Variants in CELF2 observed in about 807,000 individuals in gnomAD.
The protein encoded by CELF2 is CUGBP Elav-like family member 2, also known as CUG triplet repeat RNA-binding protein 2.
In CELF2, 8 loss-of-function variants were observed where a neutral mutation model predicts 62.6. That is an observed-to-expected ratio of 0.13 (90% CI 0.07 to 0.23). The LOEUF is 0.23. Among genes scored for constraint, CELF2 ranks in the 10% least tolerant of loss-of-function variants. The probability of loss-of-function intolerance (pLI) is 1.00; values close to 1 mark genes in which losing one functional copy is unlikely to be tolerated. For synonymous variants in CELF2, 258 were observed against 250.0 expected (o/e 1.03, Z -0.30); for missense variants, 333 against 671.0 (o/e 0.50, Z 5.56).
At chr10:11,253,657 AT>A (rs940641640) in intron 4 of CELF2, among the ~76,000 whole-genome samples, 23 of 151,006 alleles carry the variant, frequency 1.5e-4, no homozygotes, top group African/African-American at 3.4e-4. Flanking sequence ...ACAATTAGAG[AT>A]TTTTTTTTTA....
chr10:10,670,111 T>C, the CELF2 span, among the ~76,000 whole-genome samples: 1 of 152,094 alleles, frequency 6.6e-6, no homozygotes, highest in African/African-American at 2.4e-5. Context: ...CATGTTGGTC[T>C]GGCTGGTCTC....
At chr10:10,690,449 T>A in the CELF2 span, among the ~76,000 whole-genome samples, 3 of 152,218 alleles carry the variant, frequency 2.0e-5, no homozygotes, top group Non-Finnish European at 4.4e-5. Context: ...AATAATACAC[T>A]GTATAAAATA....
At chr10:11,018,751 C>T (rs1242581700) in intron 1 of CELF2, 1 of 152,456 alleles carries the variant, frequency 6.6e-6, no homozygotes, top group Non-Finnish European at 1.5e-5. Context: ...AGTGTGCACG[C>T]TTGTGTCATT....
intron 1 of CELF2, among the ~76,000 whole-genome samples, chr10:10,806,203 C>CTTTTTTTTTTTT (rs112165245): frequency 7.1e-6 from 1 of 141,442 alleles, no homozygotes. Flanking sequence ...TTCCAGTGTT[C>CTTTTTTTTTTTT]TTTTTTTTTT....
At chr10:10,827,837 TGAGTG>T (rs1364221232) in intron 1 of CELF2, among the ~76,000 whole-genome samples, 2 of 151,974 alleles carry the variant, frequency 1.3e-5, no homozygotes, top group Non-Finnish European at 2.9e-5. Flanking sequence ...ATGCAAATCT[TGAGTG>T]GAGAAGTGTA....
At chr10:10,638,640 G>A in the CELF2 span, among the ~76,000 whole-genome samples, 2 of 152,292 alleles carry the variant, frequency 1.3e-5, no homozygotes, top group South Asian at 2.1e-4. Context: ...TTAGATGTGG[G>A]TGCTTACTAA....
the CELF2 span, among the ~76,000 whole-genome samples, chr10:10,676,105 A>T: frequency 6.6e-6 from 1 of 152,080 alleles, no homozygotes; most frequent in Non-Finnish European, 1.5e-5. Flanking sequence ...GGGGAAGGAG[A>T]AGCATTCTGT....
intron 1 of CELF2, among the ~76,000 whole-genome samples, chr10:11,047,958 A>G (rs2063163403): frequency 6.6e-6 from 1 of 152,208 alleles, no homozygotes; most frequent in South Asian, 2.1e-4. Context: ...GGAAAAATGA[A>G]CTAAATATCA....
intron 1 of CELF2, among the ~76,000 whole-genome samples, chr10:10,900,864 T>C (rs903419967): frequency 3.3e-5 from 5 of 152,302 alleles, no homozygotes; most frequent in Admixed American, 1.3e-4. Flanking sequence ...AACTAATAAG[T>C]AAGTTTCACA....
intron 1 of CELF2, chr10:11,097,262 A>G (rs537689314): frequency 6.6e-6 from 1 of 152,238 alleles, no homozygotes; most frequent in Non-Finnish European, 1.5e-5. Context: ...TATTTCATTG[A>G]ACCATTAACG....
At chr10:10,800,268 G>A (rs189021502) in intron 1 of CELF2, among the ~76,000 whole-genome samples, 15 of 152,264 alleles carry the variant, frequency 9.9e-5, no homozygotes, top group Non-Finnish European at 2.1e-4. Context: ...GCTGTTTCCA[G>A]CTAACATATC....
intron 4 of CELF2, among the ~76,000 whole-genome samples, chr10:11,251,118 T>A (rs1344712306): frequency 6.6e-6 from 1 of 152,054 alleles, no homozygotes; most frequent in Non-Finnish European, 1.5e-5. Flanking sequence ...TAAACTGTAT[T>A]TAGAGTATTC....
At chr10:11,208,915 C>A (rs898056578) in intron 2 of CELF2, among the ~76,000 whole-genome samples, 1 of 152,130 alleles carries the variant, frequency 6.6e-6, no homozygotes. Context: ...TTTGTGATTC[C>A]ACAGGAAAGG....
At chr10:10,813,013 G>A (rs1176355994) in intron 1 of CELF2, among the ~76,000 whole-genome samples, 2 of 152,188 alleles carry the variant, frequency 1.3e-5, no homozygotes, top group African/African-American at 4.8e-5. Flanking sequence ...CCTTCCCATC[G>A]GATCCCGAAT....
chr10:11,153,921 CAA>C (rs2063810924), intron 1 of CELF2, among the ~76,000 whole-genome samples: 1 of 152,126 alleles, frequency 6.6e-6, no homozygotes, highest in African/African-American at 2.4e-5. Context: ...TGCCTCAAAG[CAA>C]AGAGTCATGA....
the CELF2 span, among the ~76,000 whole-genome samples, chr10:10,699,394 T>C: frequency 6.6e-6 from 1 of 152,230 alleles, no homozygotes; most frequent in Non-Finnish European, 1.5e-5. Context: ...GAGATGGGGA[T>C]ATCAATGGTG....
At chr10:10,949,070 G>A (rs983864077) in intron 2 of CELF2, among the ~76,000 whole-genome samples, 5 of 152,146 alleles carry the variant, frequency 3.3e-5, no homozygotes, top group African/African-American at 1.2e-4. Flanking sequence ...AATTGGAGGA[G>A]GTGAGGGGAC....
At chr10:10,888,684 C>T (rs532158908) in intron 1 of CELF2, among the ~76,000 whole-genome samples, 1 of 152,280 alleles carries the variant, frequency 6.6e-6, no homozygotes, top group Admixed American at 6.5e-5. Context: ...ACCTCCATGC[C>T]TTCGCCTGAT....
chr10:11,051,938 G>A, intron 1 of CELF2, among the ~76,000 whole-genome samples: 1 of 146,746 alleles, frequency 6.8e-6, no homozygotes, highest in Non-Finnish European at 1.5e-5. Flanking sequence ...GGTCTCTGTG[G>A]CCCAGGCTGG....
Sources: allele counts gnomAD v4.1 joint callset (sites outside exome capture counted in the v4.1 genomes callset), GRCh38; gene constraint gnomAD v4.1.1; transcripts MANE v1.5; gene names NCBI Gene and HGNC (gene_info 2026-07-23, HGNC 2026-07-21).